NALF1: variants seen among roughly 807,000 people sequenced by gnomAD.
The protein encoded by NALF1 is NALCN channel auxiliary factor 1.
A neutral mutation model predicts 48.4 loss-of-function variants in NALF1; 3 were observed. The observed-to-expected ratio is 0.06, with a 90% CI of 0.03 to 0.16. NALF1 has a LOEUF of 0.16. Among genes scored for constraint, NALF1 ranks in the 10% least tolerant of loss-of-function variants. NALF1 has a pLI of 1.00. For missense variants in NALF1, 526 were observed against 571.5 expected, an observed-to-expected ratio of 0.92 and a Z score of 0.81; for synonymous variants, 262 against 245.7, an observed-to-expected ratio of 1.07 and a Z score of -0.62.
chr13:107,285,005 T>C (rs988776285), intron 1 of NALF1, among the ~76,000 whole-genome samples: 1 of 152,120 alleles, frequency 6.6e-6, no homozygotes, highest in African/African-American at 2.4e-5. Flanking sequence ...ACTAGGAAAG[T>C]TCAACAGCAG....
At chr13:107,696,015 G>A (rs1280998552) in intron 1 of NALF1, among the ~76,000 whole-genome samples, 1 of 151,750 alleles carries the variant, frequency 6.6e-6, no homozygotes, top group Non-Finnish European at 1.5e-5. Context: ...TCCTGCCGCA[G>A]CCTCCTGAAT....
At chr13:107,451,711 T>G (rs959535102) in intron 1 of NALF1, among the ~76,000 whole-genome samples, 17 of 152,354 alleles carry the variant, frequency 1.1e-4, no homozygotes, top group African/African-American at 2.9e-4. Context: ...GCTCAGTTTC[T>G]TTAACTCTCA....
At chr13:107,575,975 T>C (rs1878131758) in intron 1 of NALF1, among the ~76,000 whole-genome samples, 1 of 133,236 alleles carries the variant, frequency 7.5e-6, no homozygotes, top group Non-Finnish European at 1.7e-5. Flanking sequence ...TGTGTGTGTG[T>C]GCATATGTGT....
At chr13:107,620,789 C>CA (rs2138440368) in intron 1 of NALF1, among the ~76,000 whole-genome samples, 1 of 152,318 alleles carries the variant, frequency 6.6e-6, no homozygotes, top group South Asian at 2.1e-4. Context: ...GACTATGTGA[C>CA]AGAGAAGTCT....
chr13:107,804,208 C>T lies in NALF1; in HGVS notation c.915+61474G>A, dbSNP rs181531976. ...CCAAGCAGGTATCCTTCCTGAAAGG[C>T]GCAATTTGTCTTCAAGACCTTGTTC... On this transcript the variant is annotated intron_variant, in intron 1 of 2. Transcript: ENST00000375915. Among the ~76,000 whole-genome samples, 131 of 152,312 alleles carry T rather than the reference C, an allele frequency of 8.6e-4. 3 individuals are homozygous for T. The highest frequency in any genetic ancestry group is 3.0e-3 in the African/African-American group (126 of 41,562).
chr13:107,378,453 A>G (rs989728372), intron 1 of NALF1, among the ~76,000 whole-genome samples: 1 of 152,048 alleles, frequency 6.6e-6, no homozygotes, highest in African/African-American at 2.4e-5. Flanking sequence ...AATACAGTCA[A>G]TTTTAATGAA....
intron 1 of NALF1, among the ~76,000 whole-genome samples, chr13:107,320,627 C>T (rs1030503888): frequency 6.6e-6 from 1 of 152,036 alleles, no homozygotes; most frequent in African/African-American, 2.4e-5. Context: ...ACGAATAGGG[C>T]TCCTTTGAGT....
At chr13:107,356,344 A>AAT (rs1204046828) in intron 1 of NALF1, among the ~76,000 whole-genome samples, 1 of 152,238 alleles carries the variant, frequency 6.6e-6, no homozygotes, top group Non-Finnish European at 1.5e-5. Context: ...TCAATAAACA[A>AAT]ATATTTAAAT....
intron 1 of NALF1, among the ~76,000 whole-genome samples, chr13:107,793,554 TA>T (rs1878316431): frequency 6.6e-6 from 1 of 152,226 alleles, no homozygotes; most frequent in Non-Finnish European, 1.5e-5. Flanking sequence ...ACACATCAAG[TA>T]TCTCCTGCTT....
intron 1 of NALF1, among the ~76,000 whole-genome samples, chr13:107,634,896 T>C (rs772400654): frequency 6.6e-6 from 1 of 152,126 alleles, no homozygotes; most frequent in African/African-American, 2.4e-5. Context: ...CAACTTTAAG[T>C]AGAACTGTTT....
At chr13:107,417,450 A>G (rs1004697957) in intron 1 of NALF1, among the ~76,000 whole-genome samples, 1 of 152,234 alleles carries the variant, frequency 6.6e-6, no homozygotes, top group African/African-American at 2.4e-5. Context: ...AAAAATGATC[A>G]AGTGCAGCTT....
At chr13:107,411,420 TC>T (rs1196676329) in intron 1 of NALF1, among the ~76,000 whole-genome samples, 2 of 151,342 alleles carry the variant, frequency 1.3e-5, no homozygotes, top group Admixed American at 6.6e-5. Flanking sequence ...CAAGTGATAC[TC>T]CCACCTCGAC....
intron 1 of NALF1, among the ~76,000 whole-genome samples, chr13:107,702,777 A>G (rs1011331025): frequency 4.6e-5 from 7 of 152,182 alleles, no homozygotes; most frequent in Middle Eastern, 3.4e-3. Context: ...GCTCCCACTT[A>G]TAAGTGAGAA....
At chr13:107,679,613 GC>G (rs1025523987) in intron 1 of NALF1, among the ~76,000 whole-genome samples, 1 of 152,154 alleles carries the variant, frequency 6.6e-6, no homozygotes, top group Non-Finnish European at 1.5e-5. Flanking sequence ...CCTCCTCAGC[GC>G]CCCCCACGGG....
At chr13:107,380,152 A>G (rs997700949) in intron 1 of NALF1, among the ~76,000 whole-genome samples, 1 of 152,052 alleles carries the variant, frequency 6.6e-6, no homozygotes, top group Non-Finnish European at 1.5e-5. Context: ...CTAATTTGTT[A>G]TTTCATTATT....
At chr13:107,461,904 C>A (rs1884924427) in intron 1 of NALF1, among the ~76,000 whole-genome samples, 1 of 152,142 alleles carries the variant, frequency 6.6e-6, no homozygotes, top group Non-Finnish European at 1.5e-5. Context: ...GCTCTTTTCC[C>A]AGCTTTTGCC....
chr13:107,822,131 A>G (rs888973612), intron 1 of NALF1, among the ~76,000 whole-genome samples: 2 of 152,046 alleles, frequency 1.3e-5, no homozygotes, highest in African/African-American at 4.8e-5. Context: ...CTTTTTACTT[A>G]ATAAAAAGCC....
At chr13:107,442,652 T>C (rs1237989302) in intron 1 of NALF1, among the ~76,000 whole-genome samples, 2 of 152,214 alleles carry the variant, frequency 1.3e-5, no homozygotes, top group Non-Finnish European at 2.9e-5. Context: ...AGCAAACCTT[T>C]TGAATTATCA....
rs1009777008 is a variant in NALF1 at position 107,367,497 on chromosome 13, C to T, written c.916-156742G>A. On this transcript the variant is annotated intron_variant, in intron 1 of 2. Coordinates refer to ENST00000375915, the MANE Select transcript of NALF1 (RefSeq NM_001080396.3). ...AGTCATGCGTTTCCCATTTGATTCC[C>T]GTCTCTCCCAGCTGAGAGAGAACTT... Among the ~76,000 whole-genome samples, 6 of 152,130 alleles carry T rather than the reference C, an allele frequency of 3.9e-5. No individual in the cohort carries two copies. The East Asian group carries it at 5.8e-4, about 15-fold the overall frequency.
Sources: gnomAD v4.1 joint callset for allele counts (sites outside exome capture counted in the v4.1 genomes callset) on GRCh38, gnomAD v4.1.1 for gene constraint, MANE v1.5 for transcripts, NCBI Gene and HGNC (gene_info 2026-07-23, HGNC 2026-07-21) for gene names.